The following PDE11A variants were observed in gnomAD, a reference collection of about 807,000 sequenced individuals.
PDE11A encodes the protein phosphodiesterase 11A.
PDE11A carries 100 observed loss-of-function variants against 100.5 expected under a neutral mutation model. That is an observed-to-expected ratio of 1.00 (90% confidence interval 0.85 to 1.18). The LOEUF is 1.18. Among genes scored for constraint, PDE11A ranks in the 50% most tolerant of loss-of-function variants. The pLI is 0.00. For missense variants in PDE11A, 1,141 were observed against 1,152.6 expected (o/e 0.99, Z 0.15); for synonymous variants, 381 against 420.8 (o/e 0.91, Z 1.16).
At chr2:178,103,550 AAAAAT>A (rs1250678223) in intron 2 of PDE11A, among the ~76,000 whole-genome samples, 2 of 152,122 alleles carry the variant, frequency 1.3e-5, no homozygotes, top group African/African-American at 4.8e-5. Flanking sequence ...AAAAGAAATA[AAAAAT>A]AAAATAAAAT....
chr2:178,007,957 C>T (rs1293960405), intron 2 of PDE11A, among the ~76,000 whole-genome samples: 6 of 152,050 alleles, frequency 3.9e-5, no homozygotes, highest in Admixed American at 1.3e-4. Flanking sequence ...CTGCCTGCCT[C>T]GGCCTCCTAA....
chr2:177,919,762 T>C (rs2085013213), intron 2 of PDE11A, among the ~76,000 whole-genome samples: 2 of 152,118 alleles, frequency 1.3e-5, no homozygotes, highest in Non-Finnish European at 2.9e-5. Flanking sequence ...TAGTGAAACT[T>C]AGAATGATAT....
intron 12 of PDE11A, 124 bp downstream of exon 12, chr2:177,727,534 G>A: frequency 1.4e-6 from 1 of 737,358 alleles, no homozygotes; most frequent in Non-Finnish European, 2.5e-6. Flanking sequence ...CATAACCAGG[G>A]TAGGTAAGTT....
chr2:178,083,378 C>T (rs998619179), intron 2 of PDE11A, among the ~76,000 whole-genome samples: 2 of 152,124 alleles, frequency 1.3e-5, no homozygotes, highest in African/African-American at 2.4e-5. Context: ...GGATCACAGG[C>T]GTGAGCCACC....
intron 2 of PDE11A, among the ~76,000 whole-genome samples, chr2:178,082,109 T>C (rs1342255268): frequency 6.6e-6 from 1 of 152,218 alleles, no homozygotes; most frequent in Non-Finnish European, 1.5e-5. Context: ...TATCAAGCCA[T>C]GGTGGAGCAA....
At chr2:178,046,427 A>T (rs2086752034) in intron 1 of PDE11A, among the ~76,000 whole-genome samples, 1 of 152,218 alleles carries the variant, frequency 6.6e-6, no homozygotes. Flanking sequence ...ATTGTCTAAG[A>T]AATTATAGAA....
intron 1 of PDE11A, among the ~76,000 whole-genome samples, chr2:178,038,750 G>A (rs2086647326): frequency 6.6e-6 from 1 of 152,154 alleles, no homozygotes; most frequent in Non-Finnish European, 1.5e-5. Context: ...CCTGTCCATA[G>A]ATCAGGTGGC....
intron 6 of PDE11A, among the ~76,000 whole-genome samples, chr2:177,826,893 T>C (rs1054037289): frequency 6.6e-6 from 1 of 152,234 alleles, no homozygotes; most frequent in Non-Finnish European, 1.5e-5. Context: ...TGAGAGAAGA[T>C]TGACAAGAGC....
At chr2:177,745,828 C>T (rs1176234153) in intron 10 of PDE11A, among the ~76,000 whole-genome samples, 2 of 152,220 alleles carry the variant, frequency 1.3e-5, no homozygotes, top group Admixed American at 6.5e-5. Flanking sequence ...GCTGAGTCCT[C>T]CTCCACTCCT....
At chr2:177,753,958 C>T (rs994289322) in intron 10 of PDE11A, among the ~76,000 whole-genome samples, 2 of 152,018 alleles carry the variant, frequency 1.3e-5, no homozygotes, top group African/African-American at 4.8e-5. Flanking sequence ...CTGCCCCGCC[C>T]CCCATGTCTA....
At chr2:177,649,545 T>A (rs992650272) in intron 19 of PDE11A, among the ~76,000 whole-genome samples, 7 of 152,340 alleles carry the variant, frequency 4.6e-5, no homozygotes, top group African/African-American at 1.7e-4. Flanking sequence ...TATGCTCATA[T>A]ATGTTCATAG....
At chr2:177,760,664 A>T (rs2082155463) in intron 10 of PDE11A, among the ~76,000 whole-genome samples, 1 of 152,200 alleles carries the variant, frequency 6.6e-6, no homozygotes. Context: ...CTAGAAATTG[A>T]AATTAACCAA....
chr2:177,750,485 G>T (rs980785807), intron 10 of PDE11A, among the ~76,000 whole-genome samples: 2 of 152,220 alleles, frequency 1.3e-5, no homozygotes, highest in African/African-American at 4.8e-5. Flanking sequence ...CAGCATTTCA[G>T]ATTACAGAAC....
chr2:177,962,803 T>C (rs2085650992), intron 2 of PDE11A, among the ~76,000 whole-genome samples: 1 of 151,352 alleles, frequency 6.6e-6, no homozygotes, highest in African/African-American at 2.4e-5. Flanking sequence ...ATCATAAAAA[T>C]GAACACAAGT....
chr2:178,093,893 G>A (rs999071930), intron 2 of PDE11A, among the ~76,000 whole-genome samples: 1 of 152,118 alleles, frequency 6.6e-6, no homozygotes, highest in African/African-American at 2.4e-5. Context: ...AAACTGCAAA[G>A]GTAACATAAC....
chr2:177,821,540 TAA>T (rs1409006051), intron 6 of PDE11A, among the ~76,000 whole-genome samples: 2 of 151,880 alleles, frequency 1.3e-5, no homozygotes, highest in Non-Finnish European at 2.9e-5. Flanking sequence ...ATATATATTT[TAA>T]AGTTTTTGCA....
chr2:177,654,932 C>T (rs568078970), intron 19 of PDE11A, among the ~76,000 whole-genome samples: 1 of 87,570 alleles, frequency 1.1e-5, no homozygotes, highest in East Asian at 3.7e-4. Flanking sequence ...TTAAAATATG[C>T]TCTCTAAAAA....
At chr2:177,780,330 C>T (rs1005993620) in intron 9 of PDE11A, among the ~76,000 whole-genome samples, 1 of 152,186 alleles carries the variant, frequency 6.6e-6, no homozygotes, top group Non-Finnish European at 1.5e-5. Context: ...AAGTGATCCT[C>T]CCGCCTCAGC....
At chr2:177,971,476 A>C (rs1350960431) in intron 2 of PDE11A, among the ~76,000 whole-genome samples, 1 of 152,212 alleles carries the variant, frequency 6.6e-6, no homozygotes. Context: ...TTTCAGTTTT[A>C]GGAAGCTTTT....
Sources: allele counts gnomAD v4.1 joint callset (sites outside exome capture counted in the v4.1 genomes callset), GRCh38; gene constraint gnomAD v4.1.1; transcripts MANE v1.5; gene names NCBI Gene and HGNC (gene_info 2026-07-23, HGNC 2026-07-21).